The following GCC2 variants were observed in gnomAD, a reference collection of about 807,000 sequenced individuals.
The protein encoded by GCC2 is GRIP and coiled-coil domain containing 2.
A neutral mutation model predicts 210.6 loss-of-function variants in GCC2; 120 were observed. The observed-to-expected ratio is 0.57, with a 90% CI of 0.49 to 0.66. GCC2 has a LOEUF of 0.66. GCC2 is among the 30% of genes least tolerant of loss of function. The probability of loss-of-function intolerance (pLI) is 0.00; values close to 1 mark genes in which losing one functional copy is unlikely to be tolerated. For missense variants in GCC2, 1,868 were observed against 1,871.9 expected (o/e 1.00, Z 0.04); for synonymous variants, 703 against 652.7 (o/e 1.08, Z -1.17).
rs553382923 is a variant in GCC2, at chr2:108,464,672, C to T, written c.217-4308C>T. Among the ~76,000 whole-genome samples, 35 of 152,208 alleles carry T rather than the reference C, an allele frequency of 2.3e-4. No homozygotes were observed. In the South Asian group the frequency reaches 7.3e-3, roughly 32 times the overall value. ...CAGGCTGCCTTGCCTCCTTCCCTTT[C>T]CTTATGTTTTAGGCCATTTTTGCAT... On this transcript the variant is annotated intron_variant, in intron 4 of 22. Coordinates refer to ENST00000309863, the MANE Select transcript of GCC2 (RefSeq NM_181453.4).
rs1392708707 is a variant in GCC2, at chr2:108,471,585, GTTA to G, written c.2259_2261del (p.Leu753del). On this transcript the variant is annotated inframe_deletion, in exon 6 of 23. Transcript: ENST00000309863. ...TGCTTGAAAATGAGCAAGTTCAGAA[GTTA>G]TTTGTTAAAACTCAGTTGTATGGTT... 6.2e-7 allele frequency: 1 copy of G among 1,611,970 alleles called. No individual in the cohort carries two copies. Among genetic ancestry groups the G allele is most frequent in the Non-Finnish European group, 8.5e-7 (1 of 1,179,240 alleles).
Position 108,483,919 on chromosome 2 carries a change from A to C in GCC2, c.3451-230A>C, listed in dbSNP as rs1681999209. The stretch of plus-strand genomic sequence containing the variant: ...AGTTGTAGTTAGTTATAATGAAATA[A>C]AATGAAACTAAGAAAGTTGGGTTAA... On this transcript the variant is annotated intron_variant, in intron 12 of 22. Transcript: ENST00000309863. Among the ~76,000 whole-genome samples, 3 of 152,224 alleles carry C rather than the reference A, an allele frequency of 2.0e-5. No homozygotes were observed. The South Asian group carries it at 6.2e-4, about 31-fold the overall frequency.
chr2:108,469,362 C>T (rs1244172994), intron 5 of GCC2: 1 of 427,938 alleles, frequency 2.3e-6, no homozygotes, highest in East Asian at 3.7e-5. Flanking sequence ...TGACTAAATA[C>T]CATTATCTCT....
chr2:108,454,100 C>G (rs13408353), intron 4 of GCC2, among the ~76,000 whole-genome samples: 1 of 152,112 alleles, frequency 6.6e-6, no homozygotes, highest in East Asian at 1.9e-4. Flanking sequence ...ACGCCATTCT[C>G]CTGCCTCAGC....
chr2:108,492,224 T>C (rs1305270360), intron 18 of GCC2, among the ~76,000 whole-genome samples: 2 of 152,082 alleles, frequency 1.3e-5, no homozygotes, highest in African/African-American at 4.8e-5. Flanking sequence ...CATATGATGA[T>C]GTGAAGAAGT....
intron 15 of GCC2, 109 bp from the exon 16 acceptor site, chr2:108,486,402 T>A (rs745631693): frequency 6.4e-6 from 6 of 943,690 alleles, no homozygotes; most frequent in South Asian, 5.4e-5. Flanking sequence ...TACTTAATTA[T>A]GCCTTATATG....
rs367729142 is a variant in GCC2 at position 108,469,947 on chromosome 2, C to T, written c.618C>T (p.Asp206=). The change falls in exon 6 of 23, where the codon GAC becomes GAT. Residue 206 remains aspartate, a synonymous_variant. Transcript: ENST00000309863. ...EQILYLQKQL[D]ATTDEKKETV... ...TTTTATATCTGCAAAAGCAATTAGA[C>T]GCTACCACTGATGAAAAGAAGGAAA... 37 of 1,613,132 alleles carry T rather than the reference C, an allele frequency of 2.3e-5. No homozygotes were observed. In the Admixed American group the frequency reaches 3.2e-4, roughly 14 times the overall value.
In GCC2 at chr2:108,449,256, C is replaced by A. The variant is rs920494835; in HGVS notation, c.-19C>A. 2 of 1,548,930 alleles carry A rather than the reference C, an allele frequency of 1.3e-6. No homozygotes were observed. Among genetic ancestry groups the A allele is most frequent in the South Asian group, 1.2e-5 (1 of 83,932 alleles). The stretch of plus-strand genomic sequence containing the variant: ...GCGGTGGCGGCGGCTGGTTGCGGGC[C>A]GGCGGCGGGCTGGCGGAGATGGAGG... On this transcript the variant is annotated 5_prime_UTR_variant, in exon 1 of 23. Coordinates refer to ENST00000309863, the MANE Select transcript of GCC2 (RefSeq NM_181453.4).
intron 4 of GCC2, among the ~76,000 whole-genome samples, chr2:108,456,943 T>A (rs1373910848): frequency 8.8e-6 from 1 of 113,700 alleles, no homozygotes; most frequent in Non-Finnish European, 1.8e-5. Flanking sequence ...GAGGGAGCCC[T>A]TACATAAAAA....
chr2:108,487,900 A>ATTTTTTTTT, intron 17 of GCC2, 80 bp downstream of exon 17: 3 of 647,618 alleles, frequency 4.6e-6, no homozygotes, highest in Non-Finnish European at 6.6e-6. Flanking sequence ...TCCTATTATG[A>ATTTTTTTTT]TTTTTTTTTT....
In GCC2 at chr2:108,484,187, T is replaced by G. The variant is rs1682013015; in HGVS notation, c.3489T>G (p.Ala1163=). The change falls in exon 13 of 23, where the codon GCT becomes GCG. Residue 1163 remains alanine, a synonymous_variant. Coordinates refer to ENST00000309863, the MANE Select transcript of GCC2 (RefSeq NM_181453.4). ...CCACATTGATGAATATGGAAATAGCTGATTATGAACGTTTGATGAAAGAAC... is the reference window on the plus strand; with the variant it reads ...CCACATTGATGAATATGGAAATAGCGGATTATGAACGTTTGATGAAAGAAC... The part of the protein sequence containing the change: ...QQTTLMNMEI[A]DYERLMKELN... 6.3e-7 allele frequency: 1 copy of G among 1,591,628 alleles called. No individual in the cohort carries two copies. The highest frequency in any genetic ancestry group is 8.5e-7 in the Non-Finnish European group (1 of 1,172,254).
At chr2:108,474,030 C>T (rs985452738) in intron 7 of GCC2, among the ~76,000 whole-genome samples, 4 of 150,732 alleles carry the variant, frequency 2.7e-5, no homozygotes, top group East Asian at 1.9e-4. Flanking sequence ...TTGTGGCGGG[C>T]GCTTGTAGTC....
intron 1 of GCC2, 130 bp downstream of exon 1, chr2:108,449,410 C>G: frequency 1.5e-5 from 22 of 1,429,748 alleles, no homozygotes; most frequent in Non-Finnish European, 2.1e-5. Context: ...GCTGTCGCCT[C>G]CCCATCTTTC....
intron 4 of GCC2, among the ~76,000 whole-genome samples, chr2:108,463,887 T>A (rs1266220175): frequency 6.6e-6 from 1 of 152,090 alleles, no homozygotes; most frequent in Non-Finnish European, 1.5e-5. Flanking sequence ...TGGCAATGAG[T>A]GCCAGCTGTG....
At chr2:108,472,244 T>C (rs755178590) in intron 6 of GCC2, 128 bp downstream of exon 6, 3 of 537,908 alleles carry the variant, frequency 5.6e-6, no homozygotes, top group African/African-American at 3.9e-5. Flanking sequence ...GTGGCAACTT[T>C]CTGAAAAGTG....
chr2:108,503,813 A>G (rs1683047800), intron 22 of GCC2, among the ~76,000 whole-genome samples: 1 of 152,214 alleles, frequency 6.6e-6, no homozygotes, highest in South Asian at 2.1e-4. Flanking sequence ...TTTTTTTAAA[A>G]TCAAAAGAAT....
intron 22 of GCC2, among the ~76,000 whole-genome samples, chr2:108,506,886 C>CTTTTTTTTTTTTTTTTTTTTTTTTT (rs1558766007): frequency 6.6e-6 from 1 of 152,070 alleles, no homozygotes; most frequent in African/African-American, 2.4e-5. Context: ...AGAAGAATTT[C>CTTTTTTTTTTTTTTTTTTTTTTTTT]TTATGTGCTG....
intron 5 of GCC2, 166 bp from the exon 6 acceptor site, chr2:108,469,485 G>A (rs375825364): frequency 7.3e-6 from 4 of 547,192 alleles, no homozygotes; most frequent in African/African-American, 5.8e-5. Context: ...CTTTAGATAG[G>A]CAGCACCTAA....
At chr2:108,455,071 A>ATATC (rs2104409663) in intron 4 of GCC2, among the ~76,000 whole-genome samples, 1 of 152,248 alleles carries the variant, frequency 6.6e-6, no homozygotes, top group African/African-American at 2.4e-5. Flanking sequence ...GAACATTTAA[A>ATATC]TATCTACCTG....
Sources: gnomAD v4.1 joint callset for allele counts (sites outside exome capture counted in the v4.1 genomes callset) on GRCh38, gnomAD v4.1.1 for gene constraint, MANE v1.5 for transcripts, NCBI Gene and HGNC (gene_info 2026-07-23, HGNC 2026-07-21) for gene names.